SMAD2: variants seen among roughly 807,000 people sequenced by gnomAD.
SMAD2 encodes MAD homolog 2.
In SMAD2, 8 loss-of-function variants were observed where a neutral mutation model predicts 64.4. The ratio of observed to expected loss-of-function variants is 0.12; its 90% CI spans 0.07 to 0.22. The LOEUF (loss-of-function observed/expected upper bound fraction) is 0.22, where lower values mean the gene tolerates loss of function less well. SMAD2 is among the 10% of genes least tolerant of loss of function. SMAD2 has a pLI of 1.00. For synonymous variants in SMAD2, 203 were observed against 195.8 expected (o/e 1.04, Z -0.31); for missense variants, 289 against 561.2 (o/e 0.51, Z 4.90).
Position 47,897,115 on chromosome 18 carries a change from A to G in SMAD2, c.-53-306T>C, listed in dbSNP as rs3813070. Reference sequence around the variant, plus strand: ...CTATTTTAAACTCTTAGTAGTGTCAATTAAAATATTTTCACAAAAGGTTCT... The same window carrying G: ...CTATTTTAAACTCTTAGTAGTGTCAGTTAAAATATTTTCACAAAAGGTTCT... On this transcript the variant is annotated intron_variant, in intron 1 of 10. Transcript: ENST00000262160. 7.1e-3 allele frequency among the ~76,000 whole-genome samples: 1,074 copies of G among 152,306 alleles called. 9 individuals carry two copies. Among genetic ancestry groups the G allele is most frequent in the Middle Eastern group, 0.014 (4 of 294 alleles).
chr18:47,915,154 A>G (rs556507428), intron 1 of SMAD2, among the ~76,000 whole-genome samples: 15 of 152,322 alleles, frequency 9.8e-5, no homozygotes, highest in African/African-American at 3.6e-4. Flanking sequence ...CATAAGAAAT[A>G]AGATACGAAT....
rs1476940496 is a variant in SMAD2 at position 47,830,901 on chromosome 18, C to T, written c.*10926G>A. On this transcript the variant is annotated 3_prime_UTR_variant, in exon 11 of 11. Transcript: ENST00000262160. The stretch of plus-strand genomic sequence containing the variant: ...CAAAACTCTGCTAAAATTCCAATGG[C>T]TTCTCTAGATGAATCATCTTTGGCT... The T allele has an allele frequency of 1.3e-5, 2 of 153,904 alleles. No homozygotes were observed. Among genetic ancestry groups the T allele is most frequent in the Admixed American group, 6.5e-5 (1 of 15,316 alleles). 9.5% of individuals were successfully genotyped at this position (153,904 alleles called of 1,614,324 possible). A position where few individuals can be genotyped will look rare whatever the true frequency, so the allele number is the denominator to read the frequency against.
rs1199719574 is a variant in SMAD2 at position 47,930,600 on chromosome 18, A to G, written c.-293T>C. The G allele has an allele frequency of 7.5e-5, 11 of 146,470 alleles. No individual in the cohort carries two copies. Among genetic ancestry groups the G allele is most frequent in the South Asian group, 2.2e-4 (1 of 4,630 alleles). 9.1% of individuals were successfully genotyped at this position (146,470 alleles called of 1,614,324 possible). A position where few individuals can be genotyped will look rare whatever the true frequency, so the allele number is the denominator to read the frequency against. On this transcript the variant is annotated 5_prime_UTR_variant, in exon 1 of 11. Transcript: ENST00000262160. ...GAGGGGAGGGGAGGGGAGGAGAGGG[A>G]AGGGGAGGGGAGGGAGCCTGGCCGC...
rs1787181 is a variant in SMAD2 at position 47,824,178 on chromosome 18, C to G, written c.*17649G>C. On this transcript the variant is annotated 3_prime_UTR_variant, in exon 11 of 11. Coordinates refer to ENST00000262160, the MANE Select transcript of SMAD2 (RefSeq NM_005901.6). ...ATAGATACTTTCGGAAAAACATCTT[C>G]ATCAAGAGAGGGAAAGGTGAAAGCT... is the stretch of plus-strand genomic sequence containing the variant. The G allele has an allele frequency of 0.55, 84,264 of 151,972 alleles. 23,505 individuals carry two copies. Among genetic ancestry groups the G allele is most frequent in the East Asian group, 0.67 (3,446 of 5,152 alleles). 9.4% of individuals were successfully genotyped at this position (151,972 alleles called of 1,614,324 possible).
Position 47,825,938 on chromosome 18 carries a change from G to C in SMAD2, c.*15889C>G, listed in dbSNP as rs1162163834. The C allele has an allele frequency of 6.6e-6, 1 of 152,208 alleles. No individual in the cohort carries two copies. The highest frequency in any genetic ancestry group is 6.5e-5 in the Admixed American group (1 of 15,276). 9.4% of individuals were successfully genotyped at this position (152,208 alleles called of 1,614,324 possible). On this transcript the variant is annotated 3_prime_UTR_variant, in exon 11 of 11. Transcript: ENST00000262160. Reference sequence around the variant, plus strand: ...TTTGCATTTAAGAAGTCCCAGAAAGGTTTTGGAAATGGCATTAATGTAAAT... The same window carrying C: ...TTTGCATTTAAGAAGTCCCAGAAAGCTTTTGGAAATGGCATTAATGTAAAT...
In SMAD2 at chr18:47,834,742, T is replaced by G; in HGVS notation, c.*7085A>C. ...CTTGAAATCTGTTTTCAGACAAATCTTCTAAAGGTTCTTCTAGCTTTGTCC... is the reference window on the plus strand; with the variant it reads ...CTTGAAATCTGTTTTCAGACAAATCGTCTAAAGGTTCTTCTAGCTTTGTCC... On this transcript the variant is annotated 3_prime_UTR_variant, in exon 11 of 11. Coordinates refer to ENST00000262160, the MANE Select transcript of SMAD2 (RefSeq NM_005901.6). 1 of 221,188 alleles carries G rather than the reference T, an allele frequency of 4.5e-6. No homozygotes were observed. The highest frequency in any genetic ancestry group is 9.1e-6 in the Non-Finnish European group (1 of 110,382). 13.7% of individuals were successfully genotyped at this position (221,188 alleles called of 1,614,324 possible).
At position 47,812,167 on chromosome 18, in the gene SMAD2, C is replaced by CTGAATCA. The variant is rs1211572521; in HGVS notation, c.*29653_*29659dup. The CTGAATCA allele has an allele frequency of 6.6e-6, 1 of 152,150 alleles. No homozygotes were observed. The highest frequency in any genetic ancestry group is 1.5e-5 in the Non-Finnish European group (1 of 68,030). The allele number at this position is 152,150 out of a possible 1,614,324, so 9.4% of individuals were successfully genotyped here. On this transcript the variant is annotated 3_prime_UTR_variant, in exon 11 of 11. Transcript: ENST00000262160. Reference sequence around the variant, plus strand: ...ATGTGAGGGACCCAGTGAGAGGTAACTGAATCATGGGGGTGGGTCTTTCCC... The same window carrying CTGAATCA: ...ATGTGAGGGACCCAGTGAGAGGTAACTGAATCATGAATCATGGGGGTGGGTCTTTCCC...
chr18:47,917,454 A>G (rs1022071055), intron 1 of SMAD2, among the ~76,000 whole-genome samples: 3 of 152,166 alleles, frequency 2.0e-5, no homozygotes, highest in African/African-American at 7.2e-5. Context: ...CTGAGATTAC[A>G]TATTGGGTTT....
In SMAD2 at chr18:47,811,026, TAC is replaced by T. The variant is rs1912183763; in HGVS notation, c.*30799_*30800del. Reference sequence around the variant, plus strand: ...CCCCCAAGGAGTGGAATGCAGTAGCTACAGTTTCAACTGACACACATCTGACT... The same window carrying T: ...CCCCCAAGGAGTGGAATGCAGTAGCTAGTTTCAACTGACACACATCTGACT... On this transcript the variant is annotated 3_prime_UTR_variant, in exon 11 of 11. Coordinates refer to ENST00000262160, the MANE Select transcript of SMAD2 (RefSeq NM_005901.6). The T allele has an allele frequency of 6.6e-6, 1 of 152,250 alleles. No homozygotes were observed. Among genetic ancestry groups the T allele is most frequent in the South Asian group, 2.1e-4 (1 of 4,832 alleles). The allele number at this position is 152,250 out of a possible 1,614,324, so 9.4% of individuals were successfully genotyped here.
intron 1 of SMAD2, among the ~76,000 whole-genome samples, chr18:47,921,481 T>C (rs1309951695): frequency 1.3e-5 from 2 of 152,172 alleles, no homozygotes; most frequent in East Asian, 1.9e-4. Context: ...AAATTCACTA[T>C]TCCACATGCA....
At chr18:47,876,454 C>T (rs2032268606) in intron 2 of SMAD2, among the ~76,000 whole-genome samples, 1 of 151,988 alleles carries the variant, frequency 6.6e-6, no homozygotes, top group South Asian at 2.1e-4. Flanking sequence ...AAGTTCTTTG[C>T]ATGGAACAGT....
At chr18:47,911,851 C>T (rs1490902112) in intron 1 of SMAD2, among the ~76,000 whole-genome samples, 1 of 152,184 alleles carries the variant, frequency 6.6e-6, no homozygotes, top group Non-Finnish European at 1.5e-5. Flanking sequence ...CTCCATCAAA[C>T]GCATGTAATC....
chr18:47,899,235 G>A (rs1022771271), intron 1 of SMAD2, among the ~76,000 whole-genome samples: 3 of 152,088 alleles, frequency 2.0e-5, no homozygotes, highest in Non-Finnish European at 4.4e-5. Flanking sequence ...CATAAGTGTT[G>A]TGTTAGTCAA....
intron 4 of SMAD2, 125 bp from the exon 5 acceptor site, chr18:47,868,582 G>C (rs1399230433): frequency 4.2e-5 from 30 of 716,740 alleles, no homozygotes; most frequent in South Asian, 3.7e-4. Flanking sequence ...CCACCTACTC[G>C]ATATATACTA....
intron 1 of SMAD2, among the ~76,000 whole-genome samples, chr18:47,907,069 G>T (rs2033934719): frequency 1.3e-5 from 2 of 152,226 alleles, no homozygotes; most frequent in African/African-American, 4.8e-5. Flanking sequence ...ACCACATCAA[G>T]CAACTAGAAC....
At chr18:47,857,795 C>A (rs1306791330) in intron 6 of SMAD2, among the ~76,000 whole-genome samples, 2 of 152,196 alleles carry the variant, frequency 1.3e-5, no homozygotes. Flanking sequence ...AAGCACAGAG[C>A]TCCTCTTCAC....
chr18:47,887,343 C>T (rs17814648), intron 2 of SMAD2, among the ~76,000 whole-genome samples: 4,195 of 152,236 alleles, frequency 0.028, 82 homozygotes, highest in Non-Finnish European at 0.04. Flanking sequence ...TTTTAAGGCC[C>T]CTCCCGGTTC....
rs59129117 is a variant in SMAD2 at position 47,837,561 on chromosome 18, C to CAA, written c.*4264_*4265dup. 0.083 allele frequency: 12,629 copies of CAA among 152,826 alleles called. 371 individuals carry two copies. The highest frequency in any genetic ancestry group is 0.091 in the East Asian group (992 of 10,860). The allele number at this position is 152,826 out of a possible 1,614,324, so 9.5% of individuals were successfully genotyped here. A position where few individuals can be genotyped will look rare whatever the true frequency, so the allele number is the denominator to read the frequency against. The stretch of plus-strand genomic sequence containing the variant: ...TGGGCAACAGAGCGAGACTCCCTCT[C>CAA]AAAAAAAAAAAAAAAAAACAAAAAA... On this transcript the variant is annotated 3_prime_UTR_variant, in exon 11 of 11. Transcript: ENST00000262160.
intron 1 of SMAD2, among the ~76,000 whole-genome samples, chr18:47,929,994 A>G (rs80077982): frequency 0.022 from 3,426 of 152,324 alleles, 129 homozygotes; most frequent in African/African-American, 0.078. Context: ...AGACCAAAAA[A>G]AAAAAGTGGA....
Sources: allele counts gnomAD v4.1 joint callset (sites outside exome capture counted in the v4.1 genomes callset), GRCh38; gene constraint gnomAD v4.1.1; transcripts MANE v1.5; gene names NCBI Gene and HGNC (gene_info 2026-07-23, HGNC 2026-07-21).